ABCF2: variants seen among roughly 807,000 people sequenced by gnomAD.
ABCF2 encodes the protein ATP binding cassette subfamily F member 2.
In ABCF2, 37 loss-of-function variants were observed where a neutral mutation model predicts 76.9. That is an observed-to-expected ratio of 0.48 (90% CI 0.37 to 0.63). The LOEUF (loss-of-function observed/expected upper bound fraction) is 0.63. ABCF2 is among the 30% of genes least tolerant of loss of function. ABCF2 has a pLI of 0.00. For synonymous variants in ABCF2, 299 were observed against 283.7 expected (o/e 1.05, Z -0.54); for missense variants, 524 against 782.1 (o/e 0.67, Z 3.94).
At position 151,218,542 on chromosome 7, in the gene ABCF2, T is replaced by A; in HGVS notation, c.1227+19A>T. On this transcript the variant is annotated intron_variant, in intron 10 of 14. Transcript: ENST00000287844. ...CCCTAAGATACACCCCAGCCACCCA[T>A]GCCCTGCCCTGAACTTACCCCATCT... 1 of 1,607,114 alleles carries A rather than the reference T, an allele frequency of 6.2e-7. No individual in the cohort carries two copies. Among genetic ancestry groups the A allele is most frequent in the Non-Finnish European group, 8.5e-7 (1 of 1,173,716 alleles).
intron 7 of ABCF2, 90 bp from the exon 8 acceptor site, chr7:151,219,249 G>GCTCCTCT (rs1802218885): frequency 1.8e-6 from 2 of 1,119,104 alleles, no homozygotes; most frequent in East Asian, 2.4e-5. Context: ...ATGAGGGATG[G>GCTCCTCT]CACTAACTTG....
At chr7:151,225,507 G>A (rs1309415946) in intron 2 of ABCF2, among the ~76,000 whole-genome samples, 1 of 152,252 alleles carries the variant, frequency 6.6e-6, no homozygotes, top group Non-Finnish European at 1.5e-5. Flanking sequence ...AAATACTGTG[G>A]TCAGGTTTGA....
intron 2 of ABCF2, 43 bp downstream of exon 2, chr7:151,226,262 A>T (rs1162399808): frequency 4.4e-6 from 7 of 1,593,642 alleles, no homozygotes; most frequent in African/African-American, 1.3e-5. Flanking sequence ...GGCATGCATT[A>T]AGTCTTAGCA....
intron 11 of ABCF2, among the ~76,000 whole-genome samples, 169 bp from the exon 12 acceptor site, chr7:151,216,198 G>C (rs1383732311): frequency 6.6e-6 from 1 of 152,146 alleles, no homozygotes; most frequent in Non-Finnish European, 1.5e-5. Flanking sequence ...AAAATATTTA[G>C]GAAGATGTAC....
chr7:151,226,544 G>A lies in ABCF2; in HGVS notation c.-42-44C>T, dbSNP rs182152626. 2.1e-6 allele frequency: 3 copies of A among 1,402,984 alleles called. No individual in the cohort carries two copies. In the African/African-American group the frequency reaches 4.3e-5, roughly 20 times the overall value. 86.9% of individuals were successfully genotyped at this position (1,402,984 alleles called of 1,614,324 possible). A position where few individuals can be genotyped will look rare whatever the true frequency, so the allele number is the denominator to read the frequency against. On this transcript the variant is annotated intron_variant, in intron 1 of 14. Transcript: ENST00000287844. ...ATACCCCCAAACCCTAAACTTACTA[G>A]TAAGAATGCCTGGGCCCTGCTCCAT...
intron 1 of ABCF2, 77 bp downstream of exon 1, chr7:151,227,086 C>T (rs951473070): frequency 6.6e-6 from 1 of 152,018 alleles, no homozygotes; most frequent in African/African-American, 2.4e-5. Context: ...AAACCCCGTC[C>T]CTGCTTCCTC....
At chr7:151,216,087 T>G in intron 11 of ABCF2, 58 bp from the exon 12 acceptor site, 1 of 1,484,466 alleles carries the variant, frequency 6.7e-7, no homozygotes, top group Non-Finnish European at 9.4e-7. Context: ...GTTAGAAACA[T>G]AGGCAGAGCA....
At position 151,214,368 on chromosome 7, in the gene ABCF2, G is replaced by A. The variant is rs1170353424; in HGVS notation, c.1735-177C>T. Among the ~76,000 whole-genome samples, 2 of 152,116 alleles carry A rather than the reference G, an allele frequency of 1.3e-5. No individual in the cohort carries two copies. The highest frequency in any genetic ancestry group is 2.9e-5 in the Non-Finnish European group (2 of 68,040). On this transcript the variant is annotated intron_variant, in intron 14 of 14. Coordinates refer to ENST00000287844, the MANE Select transcript of ABCF2 (RefSeq NM_007189.3). This position sits in a 1 kb window ranked among gnomAD's most constrained non-coding sequence, Gnocchi z 4.9. ...TCTAACCCAAGGGTACCATCATCAG[G>A]TTTGGAGCCTTCCAAGCCAGGAACT... is the stretch of plus-strand genomic sequence containing the variant.
In ABCF2 at chr7:151,215,044, G is replaced by A; in HGVS notation, c.1569C>T (p.Cys523=). 6.2e-7 allele frequency: 1 copy of A among 1,614,090 alleles called. No homozygotes were observed. ...PIRNLSDGQK[C]RVCLAWLAWQ... The stretch of plus-strand genomic sequence containing the variant: ...AGGCCAGCCAGGCCAGACACACTCG[G>A]CACTTCTGCCCGTCTGACAAGTTCC... The change falls in exon 14 of 15, where the codon TGC becomes TGT. Residue 523 remains cysteine (C), a synonymous_variant. Coordinates refer to ENST00000287844, the MANE Select transcript of ABCF2 (RefSeq NM_007189.3). The surrounding 1 kb of genome is among the most constrained non-coding windows in gnomAD (Gnocchi z 4.6).
intron 10 of ABCF2, 69 bp from the exon 11 acceptor site, chr7:151,218,260 G>A: frequency 8.9e-7 from 1 of 1,124,260 alleles, no homozygotes; most frequent in Non-Finnish European, 1.3e-6. Context: ...AGCAGACCAA[G>A]CCCGCTGAAT....
At position 151,212,239 on chromosome 7, in the gene ABCF2, C is replaced by G; in HGVS notation, c.*1815G>C. The G allele has an allele frequency of 1.0e-6, 1 of 985,404 alleles. No individual in the cohort carries two copies. The highest frequency in any genetic ancestry group is 1.2e-6 in the Non-Finnish European group (1 of 829,938). 61.0% of individuals were successfully genotyped at this position (985,404 alleles called of 1,614,324 possible). A position where few individuals can be genotyped will look rare whatever the true frequency, so the allele number is the denominator to read the frequency against. On this transcript the variant is annotated 3_prime_UTR_variant, in exon 15 of 15. Coordinates refer to ENST00000287844, the MANE Select transcript of ABCF2 (RefSeq NM_007189.3). ...GATTTCAGAGGCAGAGTGATGAATCCACACCAGGAAGGATGGCCACTGGTG... is the reference window on the plus strand; with the variant it reads ...GATTTCAGAGGCAGAGTGATGAATCGACACCAGGAAGGATGGCCACTGGTG...
chr7:151,218,425 C>T, intron 10 of ABCF2, 136 bp downstream of exon 10: 1 of 802,010 alleles, frequency 1.2e-6, no homozygotes, highest in East Asian at 2.6e-5. Flanking sequence ...GATGAGGCAC[C>T]CCAGCTGCCA....
rs1802049850 is a variant in ABCF2, at chr7:151,211,799, G to A, written c.*2255C>T. ...ACTAACCTGGGCCATTTTGCTCCAG[G>A]CCCCACTTAAGGCATAAAGCAGTCA... On this transcript the variant is annotated 3_prime_UTR_variant, in exon 15 of 15. Coordinates refer to ENST00000287844, the MANE Select transcript of ABCF2 (RefSeq NM_007189.3). 4.1e-6 allele frequency: 4 copies of A among 985,336 alleles called. No individual in the cohort carries two copies. Among genetic ancestry groups the A allele is most frequent in the Non-Finnish European group, 4.8e-6 (4 of 829,924 alleles). The allele number at this position is 985,336 out of a possible 1,614,324, so 61.0% of individuals were successfully genotyped here.
chr7:151,219,411 C>T (rs1180247097), intron 7 of ABCF2, among the ~76,000 whole-genome samples: 1 of 152,188 alleles, frequency 6.6e-6, no homozygotes, highest in African/African-American at 2.4e-5. Context: ...GCTAGAAAGA[C>T]ACCTGTGGCA....
In ABCF2 at chr7:151,214,724, G is replaced by A. The variant is rs1289663651; in HGVS notation, c.1734+155C>T. 6.6e-6 allele frequency among the ~76,000 whole-genome samples: 1 copy of A among 152,202 alleles called. No individual in the cohort carries two copies. The highest frequency in any genetic ancestry group is 1.5e-5 in the Non-Finnish European group (1 of 68,032). ...TTAAGGCTTTCTAAGTAGCCCCAAA[G>A]AGGCATAAGAACTGGTCCTCACCAC... On this transcript the variant is annotated intron_variant, in intron 14 of 14. Transcript: ENST00000287844. The surrounding 1 kb of genome is among the most constrained non-coding windows in gnomAD (Gnocchi z 4.9).
At chr7:151,216,068 G>C (rs1346367892) in intron 11 of ABCF2, 39 bp from the exon 12 acceptor site, 1 of 1,562,610 alleles carries the variant, frequency 6.4e-7, no homozygotes, top group Non-Finnish European at 8.7e-7. Context: ...ATGAAACAAA[G>C]GAAGCCCAGT....
intron 3 of ABCF2, 44 bp downstream of exon 3, chr7:151,224,732 G>T: frequency 6.6e-7 from 1 of 1,522,336 alleles, no homozygotes; most frequent in South Asian, 1.1e-5. Context: ...AGTGACAGAT[G>T]AGCTAAGGAG....
At chr7:151,227,108 T>C (rs1252179312) in intron 1 of ABCF2, 55 bp downstream of exon 1, 7 of 151,118 alleles carry the variant, frequency 4.6e-5, no homozygotes, top group African/African-American at 1.2e-4. Context: ...TCTAATTCTC[T>C]TTCCCCCTCA....
intron 6 of ABCF2, chr7:151,221,944 AG>A: frequency 2.4e-6 from 1 of 417,024 alleles, no homozygotes; most frequent in Non-Finnish European, 4.4e-6. Flanking sequence ...CGGTAGTAAC[AG>A]TGATAGTAAC....
Sources: allele counts gnomAD v4.1 joint callset (sites outside exome capture counted in the v4.1 genomes callset), GRCh38; gene constraint gnomAD v4.1.1; non-coding constraint Gnocchi (gnomAD v3.1); transcripts MANE v1.5; gene names NCBI Gene and HGNC (gene_info 2026-07-23, HGNC 2026-07-21).